MARK1: variants seen among roughly 807,000 people sequenced by gnomAD.
MARK1 encodes the protein serine/threonine-protein kinase MARK1.
In MARK1, 40 loss-of-function variants were observed where a neutral mutation model predicts 96.3. The ratio of observed to expected loss-of-function variants is 0.42; its 90% CI spans 0.32 to 0.54. The LOEUF (loss-of-function observed/expected upper bound fraction) is 0.54, where lower values mean the gene tolerates loss of function less well. Among genes scored for constraint, MARK1 ranks in the 20% least tolerant of loss-of-function variants. The pLI, the probability that MARK1 is intolerant of heterozygous loss-of-function variation, is 0.16. For synonymous variants in MARK1, 317 were observed against 341.2 expected (o/e 0.93, Z 0.78); for missense variants, 719 against 984.6 (o/e 0.73, Z 3.61).
intron 1 of MARK1, among the ~76,000 whole-genome samples, chr1:220,572,619 C>T (rs1663552181): frequency 6.6e-6 from 1 of 152,130 alleles, no homozygotes; most frequent in Non-Finnish European, 1.5e-5. Context: ...GTTTTGTTTT[C>T]ACATATACTT....
chr1:220,538,431 A>C (rs1276613599), intron 1 of MARK1, among the ~76,000 whole-genome samples: 1 of 151,484 alleles, frequency 6.6e-6, no homozygotes, highest in African/African-American at 2.4e-5. Context: ...TGTTGCATTG[A>C]TCTATATCTC....
At chr1:220,620,660 A>T (rs1001398480) in intron 9 of MARK1, among the ~76,000 whole-genome samples, 3 of 152,160 alleles carry the variant, frequency 2.0e-5, no homozygotes, top group African/African-American at 4.8e-5. Flanking sequence ...AAAATATTAG[A>T]GTGCTTTGAG....
chr1:220,534,020 T>C (rs1217616638), intron 1 of MARK1, among the ~76,000 whole-genome samples: 1 of 152,118 alleles, frequency 6.6e-6, no homozygotes, highest in Non-Finnish European at 1.5e-5. Flanking sequence ...TTTTTTTTCA[T>C]TGTGGTAAAA....
chr1:220,528,485 A>C lies in MARK1; in HGVS notation c.-338A>C. ...CCTTCACCCATGGTCCGGAGAGCCT[A>C]GCGGGGCTCGCCACCGCCTCCCGGC... On this transcript the variant is annotated 5_prime_UTR_variant, in exon 1 of 18. An upstream open reading frame in the 5' UTR loses its in-frame stop. Coordinates refer to ENST00000366917, the MANE Select transcript of MARK1 (RefSeq NM_018650.5). 2.8e-6 allele frequency: 1 copy of C among 357,288 alleles called. No individual in the cohort carries two copies. Among genetic ancestry groups the C allele is most frequent in the Non-Finnish European group, 5.1e-6 (1 of 197,160 alleles). 22.1% of individuals were successfully genotyped at this position (357,288 alleles called of 1,614,324 possible). A position where few individuals can be genotyped will look rare whatever the true frequency, so the allele number is the denominator to read the frequency against.
At chr1:220,629,899 G>T (rs960044458) in intron 9 of MARK1, among the ~76,000 whole-genome samples, 19 of 152,146 alleles carry the variant, frequency 1.2e-4, no homozygotes, top group Non-Finnish European at 2.8e-4. Context: ...GACTAATGCT[G>T]CAGTGAATAT....
intron 1 of MARK1, among the ~76,000 whole-genome samples, chr1:220,567,375 C>A (rs1663130086): frequency 6.6e-6 from 1 of 152,028 alleles, no homozygotes; most frequent in Admixed American, 6.6e-5. Context: ...GAGTTGCTGG[C>A]TCATGGAGTA....
rs558030801 is a variant in MARK1, at chr1:220,534,277, A to G, written c.51+5404A>G. On this transcript the variant is annotated intron_variant, in intron 1 of 17. Transcript: ENST00000366917. ...AATTGGGATATCTATCACTTTACATATTGATCTTTTCATTATACTAGCAAC... is the reference window on the plus strand; with the variant it reads ...AATTGGGATATCTATCACTTTACATGTTGATCTTTTCATTATACTAGCAAC... 9.2e-5 allele frequency among the ~76,000 whole-genome samples: 14 copies of G among 152,218 alleles called. No homozygotes were observed. The South Asian group carries it at 2.3e-3, about 25-fold the overall frequency.
intron 10 of MARK1, 46 bp from the exon 11 acceptor site, chr1:220,632,155 G>T (rs758751397): frequency 1.4e-5 from 13 of 959,204 alleles, no homozygotes; most frequent in South Asian, 2.3e-5. Context: ...ATTTGTTTAC[G>T]AAAATAAAAC....
At chr1:220,610,395 T>C (rs56218702) in intron 6 of MARK1, among the ~76,000 whole-genome samples, 1,725 of 152,316 alleles carry the variant, frequency 0.011, 26 homozygotes, top group African/African-American at 0.04. Flanking sequence ...GGTTTTCAGC[T>C]CCATCAGGTC....
At chr1:220,547,280 C>T (rs1661568780) in intron 1 of MARK1, among the ~76,000 whole-genome samples, 1 of 152,194 alleles carries the variant, frequency 6.6e-6, no homozygotes, top group South Asian at 2.1e-4. Context: ...TTACTAGTAG[C>T]CACTGTTTAA....
intron 9 of MARK1, among the ~76,000 whole-genome samples, chr1:220,628,309 T>G (rs1190505268): frequency 6.6e-6 from 1 of 152,206 alleles, no homozygotes; most frequent in Non-Finnish European, 1.5e-5. Flanking sequence ...CTTTCAGTGC[T>G]GCCATCTTGC....
chr1:220,567,976 G>A (rs929569712), intron 1 of MARK1, among the ~76,000 whole-genome samples: 3 of 151,884 alleles, frequency 2.0e-5, no homozygotes, highest in African/African-American at 7.3e-5. Context: ...TCTCTTATGG[G>A]CAGCATATAG....
chr1:220,602,635 A>G lies in MARK1; in HGVS notation c.425-1432A>G, dbSNP rs192050729. Among the ~76,000 whole-genome samples the G allele has an allele frequency of 1.4e-3, 219 of 152,252 alleles. 2 individuals carry two copies. The highest frequency in any genetic ancestry group is 5.0e-3 in the African/African-American group (209 of 41,572). On this transcript the variant is annotated intron_variant, in intron 5 of 17. Transcript: ENST00000366917. Reference sequence around the variant, plus strand: ...GATGGGTTAACTAGAATTAACAACTATTACCACATATCTAGAATTAACTAC... The same window carrying G: ...GATGGGTTAACTAGAATTAACAACTGTTACCACATATCTAGAATTAACTAC...
Position 220,632,207 on chromosome 1 carries a change from TG to T in MARK1, c.1018del (p.Val340SerfsTer10). The T allele has an allele frequency of 7.1e-7, 1 of 1,414,330 alleles. No individual in the cohort carries two copies. Among genetic ancestry groups the T allele is most frequent in the South Asian group, 1.7e-5 (1 of 59,068 alleles). The allele number at this position is 1,414,330 out of a possible 1,614,324, so 87.6% of individuals were successfully genotyped here. ...CTCTTTTTTAAATTTCTAGACATTA[TG>T]GTCACCATGGGCTTTGCACGAGATG... ...DFNDTKRIDI[M>X]VTMGFARDEI... On this transcript the variant is annotated frameshift_variant, in exon 11 of 18. Coordinates refer to ENST00000366917, the MANE Select transcript of MARK1 (RefSeq NM_018650.5). LOFTEE classifies it high-confidence loss of function.
At position 220,662,196 on chromosome 1, in the gene MARK1, A is replaced by G. The variant is rs746865450; in HGVS notation, c.*30A>G. 4 of 1,510,288 alleles carry G rather than the reference A, an allele frequency of 2.6e-6. No individual in the cohort carries two copies. The highest frequency in any genetic ancestry group is 3.6e-6 in the Non-Finnish European group (4 of 1,102,348). The allele number at this position is 1,510,288 out of a possible 1,614,324, so 93.6% of individuals were successfully genotyped here. On this transcript the variant is annotated 3_prime_UTR_variant, in exon 18 of 18. Transcript: ENST00000366917. Reference sequence around the variant, plus strand: ...GTCCAAATTTACAGGTTCAGGGAAGATACATACATATATGAGGTACAGTTT... The same window carrying G: ...GTCCAAATTTACAGGTTCAGGGAAGGTACATACATATATGAGGTACAGTTT...
At chr1:220,589,615 C>A (rs1160150943) in intron 3 of MARK1, among the ~76,000 whole-genome samples, 2 of 152,178 alleles carry the variant, frequency 1.3e-5, no homozygotes, top group African/African-American at 4.8e-5. Flanking sequence ...ATATCTCAGG[C>A]CTTCACTCCT....
intron 6 of MARK1, among the ~76,000 whole-genome samples, chr1:220,609,622 A>C (rs1195754190): frequency 6.6e-6 from 1 of 152,148 alleles, no homozygotes; most frequent in Non-Finnish European, 1.5e-5. Context: ...TATTTTGCCC[A>C]ATAATTGATG....
intron 1 of MARK1, among the ~76,000 whole-genome samples, chr1:220,559,627 G>A (rs889720746): frequency 1.3e-5 from 2 of 152,172 alleles, no homozygotes; most frequent in Non-Finnish European, 2.9e-5. Flanking sequence ...GACTAAGTGC[G>A]GGAGCAAAAG....
chr1:220,537,837 G>A (rs1660826675), intron 1 of MARK1, among the ~76,000 whole-genome samples: 1 of 152,114 alleles, frequency 6.6e-6, no homozygotes, highest in African/African-American at 2.4e-5. Flanking sequence ...CTGATGGTCA[G>A]TGATGATGAG....
Sources: allele counts gnomAD v4.1 joint callset (sites outside exome capture counted in the v4.1 genomes callset), GRCh38; gene constraint gnomAD v4.1.1; transcripts MANE v1.5; gene names NCBI Gene and HGNC (gene_info 2026-07-23, HGNC 2026-07-21).